GPAT2: variants seen among roughly 807,000 people sequenced by gnomAD.
GPAT2 encodes 1-acylglycerol-3-phosphate O-acyltransferase GPAT2.
Under a neutral mutation model 71.0 loss-of-function variants are expected in GPAT2, and 51 were observed. The observed-to-expected ratio is 0.72, with a 90% CI of 0.57 to 0.91. The LOEUF (loss-of-function observed/expected upper bound fraction) is 0.91, where lower values mean the gene tolerates loss of function less well. Among genes scored for constraint, GPAT2 ranks in the 40% least tolerant of loss-of-function variants. The probability of loss-of-function intolerance (pLI) is 0.00; values close to 1 mark genes in which losing one functional copy is unlikely to be tolerated. For synonymous variants in GPAT2, 222 were observed against 290.3 expected (o/e 0.76, Z 2.39); for missense variants, 511 against 666.0 (o/e 0.77, Z 2.56).
At chr2:96,024,735 C>A (rs375323702) in intron 14 of GPAT2, 38 bp downstream of exon 14, 62 of 1,613,316 alleles carry the variant, frequency 3.8e-5, no homozygotes, top group Non-Finnish European at 4.8e-5. Context: ...TCGCCACCCC[C>A]CCCACCGCCC....
In GPAT2 at chr2:96,025,495, A is replaced by G. The variant is rs1348298523; in HGVS notation, c.1347T>C (p.His449=). ...DQLLVRRLSC[H]VLSASVGSSA... ...CTGGTTCACCCTCACCACTCAGGAC[A>G]TGACAGCTCAGTCTCCTGACCAGGA... The change falls in exon 13 of 22, where the codon CAT becomes CAC. Residue 449 remains histidine, a synonymous_variant. Coordinates refer to ENST00000434632, the MANE Select transcript of GPAT2 (RefSeq NM_001321527.2). 7 of 1,573,660 alleles carry G rather than the reference A, an allele frequency of 4.4e-6. No homozygotes were observed. Among genetic ancestry groups the G allele is most frequent in the Non-Finnish European group, 6.0e-6 (7 of 1,160,106 alleles).
rs1680389057 is a variant in GPAT2 at position 96,026,206 on chromosome 2, G to A, written c.1132C>T (p.Leu378=). The A allele has an allele frequency of 6.2e-7, 1 of 1,611,226 alleles. No homozygotes were observed. Among genetic ancestry groups the A allele is most frequent in the Non-Finnish European group, 8.5e-7 (1 of 1,179,022 alleles). ...CSHRICSRVH[L]AQPFSLQEYI... ...ACCTGCAGGGAAAAGGGCTGAGCTA[G>A]GTGCACCCGGGAGCAGATCCGGTGG... The change falls in exon 11 of 22, where the codon CTA becomes TTA. Residue 378 remains leucine, a synonymous_variant. Transcript: ENST00000434632.
intron 17 of GPAT2, 163 bp downstream of exon 17, chr2:96,023,760 A>T: frequency 1.6e-6 from 2 of 1,287,444 alleles, no homozygotes; most frequent in Non-Finnish European, 2.1e-6. Context: ...AGGCACAGGG[A>T]GCAGAGGTGC....
Position 96,025,070 on chromosome 2 carries a change from C to G in GPAT2, c.1358-227G>C, listed in dbSNP as rs1002939352. The G allele has an allele frequency of 4.6e-5, 28 of 610,606 alleles. No individual in the cohort carries two copies. The African/African-American group carries it at 4.8e-4, about 10-fold the overall frequency. The allele number at this position is 610,606 out of a possible 1,614,324, so 37.8% of individuals were successfully genotyped here. On this transcript the variant is annotated intron_variant, in intron 13 of 21. Coordinates refer to ENST00000434632, the MANE Select transcript of GPAT2 (RefSeq NM_001321527.2). The stretch of plus-strand genomic sequence containing the variant: ...GGGCCCACACATCAACCCACAGCCT[C>G]TACTAGAGGGGCACTGAAGAAGATA...
intron 21 of GPAT2, 123 bp downstream of exon 21, chr2:96,022,545 G>T: frequency 2.9e-6 from 3 of 1,039,840 alleles, no homozygotes; most frequent in Non-Finnish European, 4.5e-6. Flanking sequence ...TAAATCCCAG[G>T]GTCTTAATGA....
chr2:96,024,680 C>G lies in GPAT2; in HGVS notation c.1434G>C (p.Val478=). The change falls in exon 15 of 22, where the codon GTG becomes GTC. Residue 478 remains valine (V), a synonymous_variant. Transcript: ENST00000434632. Reference sequence around the variant, plus strand: ...ACTCCCCCAGGAGCTGCGACAGGAACACACCCTGGGTGGGCAGAGCAGGGC... The same window carrying G: ...ACTCCCCCAGGAGCTGCGACAGGAAGACACCCTGGGTGGGCAGAGCAGGGC... ...TLLLFKHQKG[V]FLSQLLGEFS... The G allele has an allele frequency of 6.2e-7, 1 of 1,613,930 alleles. No individual in the cohort carries two copies. Among genetic ancestry groups the G allele is most frequent in the Non-Finnish European group, 8.5e-7 (1 of 1,179,920 alleles).
intron 15 of GPAT2, 36 bp from the exon 16 acceptor site, chr2:96,024,373 T>C (rs1680114694): frequency 6.2e-6 from 10 of 1,604,726 alleles, no homozygotes; most frequent in African/African-American, 1.3e-5. Context: ...GAAGGAGCCG[T>C]TCCCTTCACC....
In GPAT2 at chr2:96,026,722, G is replaced by A. The variant is rs1290373934; in HGVS notation, c.1007C>T (p.Pro336Leu). ...ATGGTCTATGTCACACGGTGCATCC[G>A]GAACCAGGTCATAGGTGACGGCCAC... ...VPVAVTYDLV[P>L]DAPCDIDHAS... The change falls in exon 10 of 22, where the codon CCG becomes CTG. Residue 336 changes from proline to leucine, a missense_variant. This residue lies in a region of GPAT2 where 0 missense variants were observed against 21.6 expected (regional missense o/e 0.00). Coordinates refer to ENST00000434632, the MANE Select transcript of GPAT2 (RefSeq NM_001321527.2). 2.3e-5 allele frequency: 2 copies of A among 87,376 alleles called. No individual in the cohort carries two copies. The highest frequency in any genetic ancestry group is 3.8e-5 in the Non-Finnish European group (2 of 53,064). The allele number at this position is 87,376 out of a possible 1,614,324, so 5.4% of individuals were successfully genotyped here. A position where few individuals can be genotyped will look rare whatever the true frequency, so the allele number is the denominator to read the frequency against.
intron 18 of GPAT2, 35 bp downstream of exon 18, chr2:96,023,274 C>T (rs372524817): frequency 3.1e-6 from 5 of 1,613,784 alleles, no homozygotes; most frequent in African/African-American, 2.7e-5. Context: ...CGCCTCCCTA[C>T]CACCTCCCTC....
rs1336358441 is a variant in GPAT2 at position 96,021,987 on chromosome 2, G to A, written c.*172C>T. 3.5e-6 allele frequency: 5 copies of A among 1,425,672 alleles called. No individual in the cohort carries two copies. The African/African-American group carries it at 7.2e-5, about 21-fold the overall frequency. 88.3% of individuals were successfully genotyped at this position (1,425,672 alleles called of 1,614,324 possible). A position where few individuals can be genotyped will look rare whatever the true frequency, so the allele number is the denominator to read the frequency against. ...AAAAGACAACTCGTCTCGTCCCCTT[G>A]TTTATCACATCAAAGAAGGGAAAAA... On this transcript the variant is annotated 3_prime_UTR_variant, in exon 22 of 22. Coordinates refer to ENST00000434632, the MANE Select transcript of GPAT2 (RefSeq NM_001321527.2).
intron 13 of GPAT2, 63 bp downstream of exon 13, chr2:96,025,422 T>C: frequency 6.5e-7 from 1 of 1,534,070 alleles, no homozygotes; most frequent in Non-Finnish European, 8.8e-7. Flanking sequence ...GGTGACTGGC[T>C]GACCCCGAGA....
At position 96,025,945 on chromosome 2, in the gene GPAT2, A is replaced by G. The variant is rs372856231; in HGVS notation, c.1223T>C (p.Ile408Thr). ...GTGCCCCTACCATTGGCCCAGCACGATGGGCTGCAGTAGCTGCTCCAGGGT... is the reference window on the plus strand; with the variant it reads ...GTGCCCCTACCATTGGCCCAGCACGGTGGGCTGCAGTAGCTGCTCCAGGGT... The part of the protein sequence containing the change: ...RQTLEQLLQP[I>T]VLGQCTAVPD... Residue 408 changes from isoleucine (I) to threonine (T), a missense_variant, in exon 12 of 22, where the codon ATC (isoleucine) becomes ACC (threonine). Ile to Thr is a moderately conservative substitution (Grantham distance 89). Transcript: ENST00000434632. 16 of 1,612,150 alleles carry G rather than the reference A, an allele frequency of 9.9e-6. No homozygotes were observed. Among genetic ancestry groups the G allele is most frequent in the African/African-American group, 2.7e-5 (2 of 74,854 alleles).
intron 1 of GPAT2, among the ~76,000 whole-genome samples, chr2:96,034,349 G>C (rs1680906322): frequency 1.8e-5 from 1 of 54,074 alleles, no homozygotes; most frequent in Admixed American, 2.2e-4. Flanking sequence ...ACTGACGCCT[G>C]AGCCTGTGCA....
rs1573864147 is a variant in GPAT2 at position 96,026,261 on chromosome 2, T to C, written c.1077A>G (p.Leu359=). ...LGLWTGALAV[L]RSLWSRWGCS... is the part of the protein sequence containing the mutation. ...AGCCCCAGCGGCTCCACAAGCTACG[T>C]AGGACAGCCAGAGCTCCTGTCCACA... Residue 359 remains leucine, a synonymous_variant, in exon 11 of 22, where the codon CTA becomes CTG. Coordinates refer to ENST00000434632, the MANE Select transcript of GPAT2 (RefSeq NM_001321527.2). The C allele has an allele frequency of 5.6e-6, 9 of 1,606,478 alleles. No homozygotes were observed. The highest frequency in any genetic ancestry group is 4.5e-5 in the East Asian group (2 of 44,760).
In GPAT2 at chr2:96,023,009, C is replaced by T; in HGVS notation, c.2182G>A (p.Glu728Lys). 1.2e-6 allele frequency: 2 copies of T among 1,613,974 alleles called. No homozygotes were observed. Among genetic ancestry groups the T allele is most frequent in the Non-Finnish European group, 1.7e-6 (2 of 1,179,854 alleles). ...GCCTGCAGGAACTGGAACAGCTGCT[C>T]TGTGTAGCCCAACTCTGCAGAAGAG... The part of the protein sequence containing the change: ...QLPDTELGYT[E>K]QLFQFLQATA... The change falls in exon 20 of 22, where the codon GAG becomes AAG. Residue 728 changes from glutamate to lysine, a missense_variant. By Grantham distance (56) the Glu-to-Lys change is moderately conservative. Around this residue, in one of 7 missense-constraint regions of GPAT2, gnomAD observed 108 missense variants for 117.6 expected, o/e 0.92. Transcript: ENST00000434632.
chr2:96,025,324 C>T (rs1361933640), intron 13 of GPAT2, 161 bp downstream of exon 13: 1 of 987,758 alleles, frequency 1.0e-6, no homozygotes, highest in East Asian at 2.8e-5. Flanking sequence ...GCCTGCTCCT[C>T]CTGTAGGAGA....
intron 14 of GPAT2, 26 bp downstream of exon 14, chr2:96,024,747 G>A (rs758286931): frequency 5.6e-6 from 9 of 1,613,784 alleles, no homozygotes; most frequent in Non-Finnish European, 7.6e-6. Context: ...CCACCGCCCA[G>A]GTCCCCACCA....
intron 21 of GPAT2, among the ~76,000 whole-genome samples, 159 bp from the exon 22 acceptor site, chr2:96,022,434 C>A (rs1679779698): frequency 6.6e-6 from 1 of 152,218 alleles, no homozygotes; most frequent in Non-Finnish European, 1.5e-5. Context: ...GTCCCAATAC[C>A]CCACCTAGAA....
chr2:96,025,233 G>T, intron 13 of GPAT2: 1 of 571,026 alleles, frequency 1.8e-6, no homozygotes, highest in Non-Finnish European at 3.1e-6. Flanking sequence ...GTGTGGCCTT[G>T]GGGAAGCAGC....
Sources: gnomAD v4.1 joint callset for allele counts (sites outside exome capture counted in the v4.1 genomes callset) on GRCh38, gnomAD v4.1.1 for gene constraint, gnomAD v4.1.1 regional missense constraint, MANE v1.5 for transcripts, NCBI Gene and HGNC (gene_info 2026-07-23, HGNC 2026-07-21) for gene names.